CNTNAP2: variants seen among roughly 807,000 people sequenced by gnomAD.
CNTNAP2 encodes the protein contactin-associated protein-like 2.
A neutral mutation model predicts 155.2 loss-of-function variants in CNTNAP2; 98 were observed. That is an observed-to-expected ratio of 0.63 (90% CI 0.54 to 0.75). The LOEUF (loss-of-function observed/expected upper bound fraction) is 0.75, where lower values mean the gene tolerates loss of function less well. Among genes scored for constraint, CNTNAP2 ranks in the 30% least tolerant of loss-of-function variants. The pLI is 0.00. For synonymous variants in CNTNAP2, 651 were observed against 631.2 expected (o/e 1.03, Z -0.47); for missense variants, 1,727 against 1,688.1 (o/e 1.02, Z -0.40).
chr7:146,451,769 C>A (rs1213888363), intron 1 of CNTNAP2, among the ~76,000 whole-genome samples: 1 of 148,490 alleles, frequency 6.7e-6, no homozygotes, highest in Admixed American at 6.8e-5. Context: ...AATTCCCTAA[C>A]CCTAGCTATA....
At chr7:148,117,863 TTAA>T (rs1364942124) in intron 15 of CNTNAP2, among the ~76,000 whole-genome samples, 5 of 149,538 alleles carry the variant, frequency 3.3e-5, no homozygotes, top group Non-Finnish European at 7.4e-5. Flanking sequence ...ATATTAATAT[TTAA>T]TTTTATATAG....
intron 1 of CNTNAP2, among the ~76,000 whole-genome samples, chr7:146,637,848 C>A (rs1799625370): frequency 1.3e-5 from 2 of 152,106 alleles, no homozygotes; most frequent in Non-Finnish European, 2.9e-5. Context: ...ATTTTAAAAT[C>A]AGTATTAATC....
intron 3 of CNTNAP2, among the ~76,000 whole-genome samples, chr7:146,963,682 A>C (rs564227210): frequency 6.6e-6 from 1 of 152,298 alleles, no homozygotes; most frequent in South Asian, 2.1e-4. Context: ...AGTAAAAAAA[A>C]ACAAAATTTC....
intron 19 of CNTNAP2, among the ~76,000 whole-genome samples, chr7:148,223,815 G>C (rs1247033730): frequency 6.6e-6 from 1 of 151,912 alleles, no homozygotes; most frequent in Non-Finnish European, 1.5e-5. Context: ...AAGAAGGACA[G>C]AAAAGAAAAA....
chr7:146,729,746 T>C (rs1325533786), intron 1 of CNTNAP2, among the ~76,000 whole-genome samples: 1 of 152,132 alleles, frequency 6.6e-6, no homozygotes, highest in African/African-American at 2.4e-5. Flanking sequence ...ACATCCATTT[T>C]CTATGCAAAA....
At chr7:147,609,696 A>G (rs1470485379) in intron 12 of CNTNAP2, among the ~76,000 whole-genome samples, 1 of 152,046 alleles carries the variant, frequency 6.6e-6, no homozygotes, top group African/African-American at 2.4e-5. Context: ...TGAGGGTTTG[A>G]TGAGTGAGTG....
chr7:148,264,060 G>A (rs140259456), intron 20 of CNTNAP2, among the ~76,000 whole-genome samples: 1 of 148,122 alleles, frequency 6.8e-6, no homozygotes, highest in African/African-American at 2.6e-5. Flanking sequence ...CAATTATCAA[G>A]ATCCCACCAT....
chr7:148,375,310 T>TA (rs1798962922), intron 21 of CNTNAP2, among the ~76,000 whole-genome samples: 1 of 147,962 alleles, frequency 6.8e-6, no homozygotes, highest in African/African-American at 2.4e-5. Context: ...ATATAAACTA[T>TA]AAATATAAAA....
intron 3 of CNTNAP2, among the ~76,000 whole-genome samples, chr7:146,980,469 T>A (rs1472329694): frequency 2.0e-5 from 3 of 152,132 alleles, no homozygotes; most frequent in Non-Finnish European, 4.4e-5. Flanking sequence ...AGACCAGGTG[T>A]GGAATCTGTT....
chr7:147,639,106 A>G lies in CNTNAP2; in HGVS notation c.1898A>G (p.Glu633Gly). The part of the protein sequence containing the change: ...GPLKVYCNMT[E>G]DKVWTIVSHD... ...GTCCTGGTTGTTTTTCTCCCCACAG[A>G]GGACAAAGTGTGGACCATAGTGTCT... The change falls in exon 13 of 24, where the codon GAG becomes GGG. Residue 633 changes from glutamate to glycine, a missense_variant and splice_region_variant. Physicochemically the swap from Glu to Gly is moderately conservative, Grantham distance 98. Transcript: ENST00000361727. The G allele has an allele frequency of 6.2e-7, 1 of 1,614,066 alleles. No individual in the cohort carries two copies. Among genetic ancestry groups the G allele is most frequent in the Non-Finnish European group, 8.5e-7 (1 of 1,179,978 alleles).
intron 19 of CNTNAP2, among the ~76,000 whole-genome samples, chr7:148,226,200 A>G (rs1795845103): frequency 6.6e-6 from 1 of 152,138 alleles, no homozygotes; most frequent in African/African-American, 2.4e-5. Flanking sequence ...TTATTAATAA[A>G]AATATGCTAT....
At chr7:147,267,676 T>C (rs1396678082) in intron 8 of CNTNAP2, among the ~76,000 whole-genome samples, 2 of 111,662 alleles carry the variant, frequency 1.8e-5, no homozygotes, top group African/African-American at 6.5e-5. Flanking sequence ...TAGCATAGAA[T>C]TGGGATTCAC....
intron 14 of CNTNAP2, among the ~76,000 whole-genome samples, chr7:147,971,725 G>T (rs1801338076): frequency 6.6e-6 from 1 of 151,958 alleles, no homozygotes; most frequent in African/African-American, 2.4e-5. Context: ...TTCCACTTTG[G>T]GCCTCTTATG....
At chr7:146,497,922 T>TA (rs1797244469) in intron 1 of CNTNAP2, among the ~76,000 whole-genome samples, 1 of 150,060 alleles carries the variant, frequency 6.7e-6, no homozygotes, top group African/African-American at 2.4e-5. Context: ...TAAACATATA[T>TA]TCTAACATAT....
At chr7:147,198,147 T>C (rs1802843005) in intron 8 of CNTNAP2, among the ~76,000 whole-genome samples, 1 of 151,678 alleles carries the variant, frequency 6.6e-6, no homozygotes, top group South Asian at 2.1e-4. Context: ...AAATGGAATA[T>C]ATAAAATGTG....
Position 147,955,368 on chromosome 7 carries a change from C to T in CNTNAP2, c.2256-22494C>T, listed in dbSNP as rs1268571802. Among the ~76,000 whole-genome samples, 3 of 152,128 alleles carry T rather than the reference C, an allele frequency of 2.0e-5. No individual in the cohort carries two copies. In the South Asian group the frequency reaches 6.2e-4, roughly 32 times the overall value. On this transcript the variant is annotated intron_variant, in intron 14 of 23. Transcript: ENST00000361727. ...ACATTAAAAACCCTCTACTTATTAG[C>T]ATAACATGCTTTTATTTTTTAAAAA...
chr7:147,317,658 C>A (rs1185485475), intron 9 of CNTNAP2, among the ~76,000 whole-genome samples: 1 of 151,778 alleles, frequency 6.6e-6, no homozygotes, highest in Non-Finnish European at 1.5e-5. Context: ...AGGTCAGGTT[C>A]TTTAGTTTTG....
chr7:146,502,224 AATATATATATATATATATATATATATAT>A (rs59759183), intron 1 of CNTNAP2, among the ~76,000 whole-genome samples: 3 of 94,808 alleles, frequency 3.2e-5, no homozygotes, highest in African/African-American at 8.8e-5. Context: ...TATATATATG[AATATATATATATATATATATATATATAT>A]ATATATATGT....
intron 22 of CNTNAP2, among the ~76,000 whole-genome samples, chr7:148,390,334 C>T (rs775720834): frequency 1.3e-5 from 2 of 152,058 alleles, no homozygotes; most frequent in Non-Finnish European, 2.9e-5. Flanking sequence ...GGGCAGGACT[C>T]GGTGGCTCCA....
Sources: allele counts gnomAD v4.1 joint callset (sites outside exome capture counted in the v4.1 genomes callset), GRCh38; gene constraint gnomAD v4.1.1; transcripts MANE v1.5; gene names NCBI Gene and HGNC (gene_info 2026-07-23, HGNC 2026-07-21).